The following ABRAXAS2 variants were observed in gnomAD, a reference collection of about 807,000 sequenced individuals.
ABRAXAS2 encodes BRISC complex subunit Abraxas 2.
Under a neutral mutation model 49.0 loss-of-function variants are expected in ABRAXAS2, and 23 were observed. The observed-to-expected ratio is 0.47, with a 90% CI of 0.34 to 0.66. The LOEUF is 0.66. Among genes scored for constraint, ABRAXAS2 ranks in the 30% least tolerant of loss-of-function variants. ABRAXAS2 has a pLI of 0.01. For synonymous variants in ABRAXAS2, 168 were observed against 180.2 expected, an observed-to-expected ratio of 0.93 and a Z score of 0.54; for missense variants, 443 against 511.9, an observed-to-expected ratio of 0.87 and a Z score of 1.30.
intron 8 of ABRAXAS2, among the ~76,000 whole-genome samples, chr10:124,831,872 T>TTA (rs1564925995): frequency 1.4e-5 from 1 of 71,072 alleles, no homozygotes. Flanking sequence ...TTTTTTTTTT[T>TTA]AGACGGAATC....
chr10:124,831,786 G>T (rs1472341741), intron 8 of ABRAXAS2, among the ~76,000 whole-genome samples: 7 of 151,100 alleles, frequency 4.6e-5, no homozygotes, highest in Non-Finnish European at 7.4e-5. Flanking sequence ...TGAATGTGGT[G>T]GTTGTTACTA....
chr10:124,830,917 A>G (rs1172145998), intron 7 of ABRAXAS2, among the ~76,000 whole-genome samples: 3 of 152,158 alleles, frequency 2.0e-5, no homozygotes, highest in African/African-American at 7.2e-5. Context: ...ACTTTTTTCA[A>G]CTTTTCTTTA....
intron 3 of ABRAXAS2, among the ~76,000 whole-genome samples, chr10:124,817,907 G>A (rs7902295): frequency 0.057 from 8,735 of 152,148 alleles, 814 homozygotes; most frequent in African/African-American, 0.2. Context: ...CCAGCAGTTC[G>A]TTTGAGGGGA....
intron 1 of ABRAXAS2, among the ~76,000 whole-genome samples, chr10:124,804,781 T>G (rs971512203): frequency 1.3e-5 from 2 of 150,348 alleles, no homozygotes; most frequent in Non-Finnish European, 2.9e-5. Flanking sequence ...TGGCACAATC[T>G]TGGCTCACTG....
At position 124,826,638 on chromosome 10, in the gene ABRAXAS2, A is replaced by G. The variant is rs1333224154; in HGVS notation, c.311A>G (p.Gln104Arg). 6.2e-7 allele frequency: 1 copy of G among 1,614,216 alleles called. No homozygotes were observed. The highest frequency in any genetic ancestry group is 2.2e-5 in the East Asian group (1 of 44,886). Residue 104 changes from glutamine to arginine, a missense_variant, in exon 5 of 9, where the codon CAG (glutamine) becomes CGG (arginine). Gln to Arg is a conservative substitution (Grantham distance 43). Coordinates refer to ENST00000298492, the MANE Select transcript of ABRAXAS2 (RefSeq NM_032182.4). ...AGATTCCGGCGCAATACGCAGCAGC[A>G]GATGTCCTACAGAGAGCAGGTTCTT... ...WYRFRRNTQQ[Q>R]MSYREQVLHK...
intron 4 of ABRAXAS2, among the ~76,000 whole-genome samples, chr10:124,825,317 C>CAA (rs34358193): frequency 0.05 from 5,163 of 103,240 alleles, 163 homozygotes; most frequent in African/African-American, 0.061. Flanking sequence ...GACTCTGTCT[C>CAA]AAAAAAAAAA....
intron 1 of ABRAXAS2, among the ~76,000 whole-genome samples, chr10:124,806,263 G>A (rs1950742975): frequency 6.6e-6 from 1 of 150,500 alleles, no homozygotes. Context: ...CAGAGATCGC[G>A]CCACTGCACT....
At chr10:124,829,738 G>T (rs1304657906) in intron 7 of ABRAXAS2, among the ~76,000 whole-genome samples, 1 of 152,162 alleles carries the variant, frequency 6.6e-6, no homozygotes, top group African/African-American at 2.4e-5. Flanking sequence ...TAGTAGTTTT[G>T]CTAGGAAAAT....
At chr10:124,807,991 C>T (rs944932227) in intron 2 of ABRAXAS2, among the ~76,000 whole-genome samples, 6 of 152,148 alleles carry the variant, frequency 3.9e-5, no homozygotes, top group Non-Finnish European at 8.8e-5. Flanking sequence ...ATACCCACTT[C>T]GGAGGAGATA....
intron 2 of ABRAXAS2, among the ~76,000 whole-genome samples, chr10:124,816,219 C>T (rs751141256): frequency 5.3e-5 from 8 of 152,072 alleles, no homozygotes; most frequent in Non-Finnish European, 8.8e-5. Flanking sequence ...CAGCTTTTAT[C>T]CCACTTGATT....
At chr10:124,811,541 T>C (rs532990160) in intron 2 of ABRAXAS2, among the ~76,000 whole-genome samples, 2 of 151,956 alleles carry the variant, frequency 1.3e-5, no homozygotes, top group Non-Finnish European at 2.9e-5. Flanking sequence ...ATTGAGACCA[T>C]CCTAGCTAAC....
chr10:124,835,149 AGT>A lies in ABRAXAS2; in HGVS notation c.*182_*183del. 1.9e-6 allele frequency: 1 copy of A among 534,614 alleles called. No homozygotes were observed. The highest frequency in any genetic ancestry group is 2.9e-5 in the South Asian group (1 of 33,930). The allele number at this position is 534,614 out of a possible 1,614,324, so 33.1% of individuals were successfully genotyped here. On this transcript the variant is annotated 3_prime_UTR_variant, in exon 9 of 9. Coordinates refer to ENST00000298492, the MANE Select transcript of ABRAXAS2 (RefSeq NM_032182.4). ...TCCGCTGCTCTTTACCTTTGGATAC[AGT>A]GTGCAAGTTTCATGACAGAATCATT...
chr10:124,834,718 C>T lies in ABRAXAS2; in HGVS notation c.995C>T (p.Pro332Leu), dbSNP rs1950958406. Reference protein sequence around the residue: ...HSRMERSVFMPRPQAVGSSNY... With the variant: ...HSRMERSVFMLRPQAVGSSNY... ...CGCATGGAAAGGAGTGTCTTTATGC[C>T]TCGACCTCAAGCTGTGGGCTCTTCC... Residue 332 changes from proline to leucine, a missense_variant, in exon 9 of 9, where the codon CCT becomes CTT. Around this residue, in one of 3 missense-constraint regions of ABRAXAS2, gnomAD observed 230 missense variants for 237.0 expected, o/e 0.97. Coordinates refer to ENST00000298492, the MANE Select transcript of ABRAXAS2 (RefSeq NM_032182.4). 1 of 1,614,104 alleles carries T rather than the reference C, an allele frequency of 6.2e-7. No individual in the cohort carries two copies. The highest frequency in any genetic ancestry group is 8.5e-7 in the Non-Finnish European group (1 of 1,180,022).
chr10:124,834,418 A>C, intron 8 of ABRAXAS2, 84 bp from the exon 9 acceptor site: 1 of 1,164,134 alleles, frequency 8.6e-7, no homozygotes, highest in Non-Finnish European at 1.2e-6. Flanking sequence ...ATTTTCCAGA[A>C]CATTCAGGTT....
chr10:124,821,471 C>T (rs1950860961), intron 4 of ABRAXAS2, among the ~76,000 whole-genome samples: 1 of 151,890 alleles, frequency 6.6e-6, no homozygotes, highest in Non-Finnish European at 1.5e-5. Context: ...GAGGCTGAGG[C>T]AGGAGAATCG....
At chr10:124,833,001 C>G (rs752273429) in intron 8 of ABRAXAS2, among the ~76,000 whole-genome samples, 4 of 151,406 alleles carry the variant, frequency 2.6e-5, no homozygotes, top group Non-Finnish European at 5.9e-5. Flanking sequence ...CAAAAATTAG[C>G]TGGGCGTGGT....
At chr10:124,829,259 G>A (rs892420219) in intron 6 of ABRAXAS2, 134 bp from the exon 7 acceptor site, 20 of 657,680 alleles carry the variant, frequency 3.0e-5, no homozygotes, top group Non-Finnish European at 4.8e-5. Flanking sequence ...TGTGGTATGG[G>A]CATTATTCCT....
At chr10:124,833,251 G>A (rs1950946980) in intron 8 of ABRAXAS2, among the ~76,000 whole-genome samples, 1 of 151,230 alleles carries the variant, frequency 6.6e-6, no homozygotes, top group African/African-American at 2.4e-5. Flanking sequence ...TGGATCACTG[G>A]TGCCCAGGAG....
chr10:124,804,717 C>CTTT (rs72458712), intron 1 of ABRAXAS2, among the ~76,000 whole-genome samples: 14 of 131,328 alleles, frequency 1.1e-4, no homozygotes, highest in South Asian at 2.4e-4. Context: ...TTTTTTCTTT[C>CTTT]TTTTTTTTTT....
Sources: allele counts gnomAD v4.1 joint callset (sites outside exome capture counted in the v4.1 genomes callset), GRCh38; gene constraint gnomAD v4.1.1; regional missense constraint gnomAD v4.1.1; transcripts MANE v1.5; gene names NCBI Gene and HGNC (gene_info 2026-07-23, HGNC 2026-07-21).